The following RAB38 variants were observed in gnomAD, a reference collection of about 807,000 sequenced individuals.
RAB38 encodes the protein ras-related protein Rab-38.
RAB38 carries 15 observed loss-of-function variants against 18.4 expected under a neutral mutation model. The ratio of observed to expected loss-of-function variants is 0.82; its 90% CI spans 0.55 to 1.26. The LOEUF (loss-of-function observed/expected upper bound fraction) is 1.26. Among genes scored for constraint, RAB38 ranks in the 50% most tolerant of loss-of-function variants. RAB38 has a pLI of 0.00. For missense variants in RAB38, 294 were observed against 267.4 expected (o/e 1.10, Z -0.69); for synonymous variants, 101 against 104.4 (o/e 0.97, Z 0.20).
At chr11:87,955,505 TAA>T in the RAB38 span, among the ~76,000 whole-genome samples, 1 of 152,102 alleles carries the variant, frequency 6.6e-6, no homozygotes, top group African/African-American at 2.4e-5. Context: ...GAATCTAAAA[TAA>T]AAGTTAAAAT....
the RAB38 span, among the ~76,000 whole-genome samples, chr11:87,916,422 C>T: frequency 6.6e-6 from 1 of 152,048 alleles, no homozygotes; most frequent in African/African-American, 2.4e-5. Context: ...TTAGTTCTTA[C>T]AGAAATGGAT....
the RAB38 span, among the ~76,000 whole-genome samples, chr11:87,975,950 A>C: frequency 6.6e-6 from 1 of 151,446 alleles, no homozygotes; most frequent in African/African-American, 2.4e-5. Flanking sequence ...ATGTTACAAG[A>C]ACAATCAATC....
At chr11:88,026,880 T>TG in the RAB38 span, among the ~76,000 whole-genome samples, 2 of 152,092 alleles carry the variant, frequency 1.3e-5, no homozygotes, top group Non-Finnish European at 2.9e-5. Context: ...ATAATCTGAA[T>TG]CAAATCTCGA....
At chr11:88,011,091 G>A in the RAB38 span, among the ~76,000 whole-genome samples, 6 of 152,226 alleles carry the variant, frequency 3.9e-5, no homozygotes, top group East Asian at 3.9e-4. Context: ...TTCCAGATGG[G>A]TATCTACTGA....
the RAB38 span, among the ~76,000 whole-genome samples, chr11:87,854,343 G>A: frequency 6.6e-6 from 1 of 152,058 alleles, no homozygotes. Context: ...TTTGTTAATT[G>A]TGCACACAAA....
the RAB38 span, among the ~76,000 whole-genome samples, chr11:88,040,428 T>C: frequency 6.6e-6 from 1 of 152,084 alleles, no homozygotes; most frequent in African/African-American, 2.4e-5. Flanking sequence ...AAACAGCTTA[T>C]TTTCAGGCCA....
the RAB38 span, among the ~76,000 whole-genome samples, chr11:87,823,808 C>G: frequency 4.7e-3 from 707 of 151,986 alleles, 9 homozygotes; most frequent in African/African-American, 0.016. Flanking sequence ...GAATACTATT[C>G]AGCAATAAAA....
the RAB38 span, among the ~76,000 whole-genome samples, chr11:88,020,288 G>C: frequency 6.6e-6 from 1 of 152,104 alleles, no homozygotes; most frequent in Non-Finnish European, 1.5e-5. Context: ...AACCAAAAAA[G>C]AGCAGAAGTA....
intron 2 of RAB38, among the ~76,000 whole-genome samples, chr11:88,121,044 C>T (rs946533631): frequency 6.6e-6 from 1 of 152,128 alleles, no homozygotes; most frequent in Non-Finnish European, 1.5e-5. Context: ...TTATAGAATG[C>T]GCCTCACCTC....
the RAB38 span, among the ~76,000 whole-genome samples, chr11:87,976,676 T>C: frequency 8.5e-6 from 1 of 117,718 alleles, no homozygotes; most frequent in Non-Finnish European, 1.6e-5. Flanking sequence ...TTATATGATA[T>C]ATATTTATAT....
At chr11:87,906,860 T>C in the RAB38 span, among the ~76,000 whole-genome samples, 3 of 151,916 alleles carry the variant, frequency 2.0e-5, no homozygotes, top group African/African-American at 7.2e-5. Context: ...TTTTGTTCCT[T>C]TTTACACCTA....
intron 1 of RAB38, among the ~76,000 whole-genome samples, chr11:88,160,122 A>C (rs901995450): frequency 1.3e-5 from 2 of 152,046 alleles, no homozygotes; most frequent in Non-Finnish European, 2.9e-5. Flanking sequence ...GAATTTAAAT[A>C]ACTGAACAAG....
At chr11:87,809,456 C>T in the RAB38 span, among the ~76,000 whole-genome samples, 1 of 152,206 alleles carries the variant, frequency 6.6e-6, no homozygotes, top group African/African-American at 2.4e-5. Flanking sequence ...TCCAGCAACA[C>T]AAGGCCAAGT....
chr11:87,961,213 A>G, the RAB38 span, among the ~76,000 whole-genome samples: 1 of 152,162 alleles, frequency 6.6e-6, no homozygotes, highest in Non-Finnish European at 1.5e-5. Context: ...CTTTGATCCC[A>G]GCCAGAGTAA....
the RAB38 span, among the ~76,000 whole-genome samples, chr11:88,023,141 C>T: frequency 1.1e-4 from 17 of 151,458 alleles, no homozygotes; most frequent in African/African-American, 4.1e-4. Flanking sequence ...AGCTTGTACC[C>T]CTAAACATAA....
At chr11:88,116,867 G>A (rs999085485) in intron 2 of RAB38, among the ~76,000 whole-genome samples, 4 of 152,090 alleles carry the variant, frequency 2.6e-5, no homozygotes, top group African/African-American at 4.8e-5. Flanking sequence ...TCATCATAAC[G>A]TGCAAATTGA....
the RAB38 span, among the ~76,000 whole-genome samples, chr11:87,908,113 G>T: frequency 6.6e-6 from 1 of 151,886 alleles, no homozygotes; most frequent in Non-Finnish European, 1.5e-5. Flanking sequence ...CTCTCAGAGA[G>T]TTTTGGTCTG....
intron 2 of RAB38, among the ~76,000 whole-genome samples, chr11:88,139,684 G>C (rs562585524): frequency 5.3e-4 from 81 of 152,208 alleles, no homozygotes; most frequent in Non-Finnish European, 9.1e-4. Flanking sequence ...CACCAAAGGA[G>C]TGTTTTCCAA....
chr11:87,961,370 G>A, the RAB38 span, among the ~76,000 whole-genome samples: 1 of 152,176 alleles, frequency 6.6e-6, no homozygotes, highest in Non-Finnish European at 1.5e-5. Context: ...CTGTAATGAA[G>A]TGATTGACAT....
Sources: allele counts gnomAD v4.1 joint callset (sites outside exome capture counted in the v4.1 genomes callset), GRCh38; gene constraint gnomAD v4.1.1; transcripts MANE v1.5; gene names NCBI Gene and HGNC (gene_info 2026-07-23, HGNC 2026-07-21).